The following SNTB2 variants were observed in gnomAD, a reference collection of about 807,000 sequenced individuals.
The protein encoded by SNTB2 is beta-2-syntrophin.
Under a neutral mutation model 46.2 loss-of-function variants are expected in SNTB2, and 34 were observed. That is an observed-to-expected ratio of 0.74 (90% CI 0.56 to 0.98). SNTB2 has a LOEUF of 0.98. Among genes scored for constraint, SNTB2 ranks in the 50% least tolerant of loss-of-function variants. SNTB2 has a pLI of 0.00. For synonymous variants in SNTB2, 290 were observed against 312.6 expected, an observed-to-expected ratio of 0.93 and a Z score of 0.76; for missense variants, 603 against 731.4, an observed-to-expected ratio of 0.82 and a Z score of 2.02.
Position 69,238,205 on chromosome 16 carries a change from A to AT in SNTB2, c.581-7394dup, listed in dbSNP as rs562075393. On this transcript the variant is annotated intron_variant, in intron 1 of 6. Transcript: ENST00000336278. Reference sequence around the variant, plus strand: ...AGAAGGAGGAGGGTGAGGTTGGAGCATTTATCCCCTTGGCCCCCAATTCGC... The same window carrying AT: ...AGAAGGAGGAGGGTGAGGTTGGAGCATTTTATCCCCTTGGCCCCCAATTCGC... Among the ~76,000 whole-genome samples, 47 of 152,208 alleles carry AT rather than the reference A, an allele frequency of 3.1e-4. No homozygotes were observed. In the South Asian group the frequency reaches 8.1e-3, roughly 26 times the overall value.
At chr16:69,282,335 A>T (rs2143155112) in intron 4 of SNTB2, among the ~76,000 whole-genome samples, 1 of 150,320 alleles carries the variant, frequency 6.7e-6, no homozygotes, top group Admixed American at 6.6e-5. Flanking sequence ...GGAATTACAG[A>T]CATGAGACAC....
At chr16:69,293,372 A>G (rs1036227298) in intron 5 of SNTB2, among the ~76,000 whole-genome samples, 1 of 152,218 alleles carries the variant, frequency 6.6e-6, no homozygotes, top group African/African-American at 2.4e-5. Context: ...AAAGAAGAAT[A>G]GAGAAATAGA....
intron 1 of SNTB2, among the ~76,000 whole-genome samples, chr16:69,244,866 G>T (rs1027666143): frequency 6.6e-6 from 1 of 152,168 alleles, no homozygotes; most frequent in African/African-American, 2.4e-5. Context: ...TGGCTCATTT[G>T]CCCTTGTGTC....
intron 3 of SNTB2, among the ~76,000 whole-genome samples, chr16:69,265,662 A>G (rs1166905696): frequency 2.0e-5 from 3 of 151,678 alleles, no homozygotes; most frequent in African/African-American, 7.3e-5. Flanking sequence ...CCCCGTCTCT[A>G]CTAAAAATAC....
At chr16:69,247,054 A>AT (rs1300250327) in intron 2 of SNTB2, among the ~76,000 whole-genome samples, 1 of 147,478 alleles carries the variant, frequency 6.8e-6, no homozygotes, top group African/African-American at 2.5e-5. Context: ...ATAATAAAAA[A>AT]AATATATATA....
At chr16:69,203,504 A>G (rs1277698866) in intron 1 of SNTB2, among the ~76,000 whole-genome samples, 1 of 151,376 alleles carries the variant, frequency 6.6e-6, no homozygotes, top group Non-Finnish European at 1.5e-5. Context: ...ATGCCTGGCT[A>G]ATTTTTTAAT....
chr16:69,251,468 TA>T (rs71148976), intron 2 of SNTB2, among the ~76,000 whole-genome samples: 24,542 of 106,092 alleles, frequency 0.23, 2,650 homozygotes, highest in African/African-American at 0.29. Context: ...ATGTTTAGTT[TA>T]AAAAAAAAAA....
At chr16:69,209,370 T>C (rs903474025) in intron 1 of SNTB2, among the ~76,000 whole-genome samples, 1 of 152,208 alleles carries the variant, frequency 6.6e-6, no homozygotes. Flanking sequence ...CCAATTCCAT[T>C]ATTATCTGTG....
At chr16:69,274,089 G>T (rs961005416) in intron 4 of SNTB2, among the ~76,000 whole-genome samples, 1 of 151,958 alleles carries the variant, frequency 6.6e-6, no homozygotes, top group African/African-American at 2.4e-5. Flanking sequence ...CGAGGCTGGC[G>T]GATCACGAGG....
chr16:69,222,704 A>G (rs1272965037), intron 1 of SNTB2, among the ~76,000 whole-genome samples: 1 of 152,204 alleles, frequency 6.6e-6, no homozygotes, highest in African/African-American at 2.4e-5. Context: ...CAAAAAGACT[A>G]GAAGGAAAGA....
At chr16:69,267,006 A>G (rs1964892816) in intron 3 of SNTB2, among the ~76,000 whole-genome samples, 1 of 151,018 alleles carries the variant, frequency 6.6e-6, no homozygotes, top group Non-Finnish European at 1.5e-5. Context: ...CCAGTAAAAC[A>G]TTTACTTTTA....
chr16:69,241,625 A>G (rs1317903088), intron 1 of SNTB2, among the ~76,000 whole-genome samples: 1 of 141,076 alleles, frequency 7.1e-6, no homozygotes, highest in Non-Finnish European at 1.6e-5. Context: ...CGTCTCTACT[A>G]AAAAAAAAAA....
At chr16:69,202,361 T>C (rs888974048) in intron 1 of SNTB2, among the ~76,000 whole-genome samples, 1 of 150,978 alleles carries the variant, frequency 6.6e-6, no homozygotes, top group African/African-American at 2.5e-5. Context: ...GTAGTTACTA[T>C]TCATACTAAA....
intron 1 of SNTB2, among the ~76,000 whole-genome samples, chr16:69,208,177 T>G (rs1036697099): frequency 7.1e-6 from 1 of 140,518 alleles, no homozygotes; most frequent in African/African-American, 2.7e-5. Context: ...GAGGCCGAGG[T>G]GGGCGGATCA....
At chr16:69,187,813 T>A in intron 1 of SNTB2, 67 bp downstream of exon 1, 1 of 1,240,216 alleles carries the variant, frequency 8.1e-7, no homozygotes, top group Non-Finnish European at 1.0e-6. Context: ...CTCACTTTGT[T>A]CCTGCCCCGC....
In SNTB2 at chr16:69,284,162, A is replaced by C. The variant is rs948419640; in HGVS notation, c.1263A>C (p.Thr421=). ...AGATGCATCTCTTCAGGGTGGAGACACATCGGGATCTGTCATCCTGGACCA... is the reference window on the plus strand; with the variant it reads ...AGATGCATCTCTTCAGGGTGGAGACCCATCGGGATCTGTCATCCTGGACCA... ...GIEMHLFRVE[T]HRDLSSWTRI... Residue 421 remains threonine, a synonymous_variant, in exon 5 of 7, where the codon ACA becomes ACC. Coordinates refer to ENST00000336278, the MANE Select transcript of SNTB2 (RefSeq NM_006750.4). 6.2e-7 allele frequency: 1 copy of C among 1,613,968 alleles called. No individual in the cohort carries two copies. The highest frequency in any genetic ancestry group is 1.3e-5 in the African/African-American group (1 of 74,884).
At chr16:69,206,242 C>T (rs892456836) in intron 1 of SNTB2, among the ~76,000 whole-genome samples, 4 of 152,136 alleles carry the variant, frequency 2.6e-5, no homozygotes, top group East Asian at 1.9e-4. Context: ...TCAAGTGATC[C>T]TTCTGCCTCA....
chr16:69,248,516 C>T (rs1300582014), intron 2 of SNTB2, among the ~76,000 whole-genome samples: 1 of 152,036 alleles, frequency 6.6e-6, no homozygotes, highest in Non-Finnish European at 1.5e-5. Flanking sequence ...CCTGTAATCC[C>T]AGCTACTTGG....
At chr16:69,257,446 T>C (rs1377892286) in intron 2 of SNTB2, among the ~76,000 whole-genome samples, 1 of 150,462 alleles carries the variant, frequency 6.6e-6, no homozygotes, top group Admixed American at 6.6e-5. Context: ...TATTTATTTA[T>C]TTATTTATTT....
Sources: allele counts gnomAD v4.1 joint callset (sites outside exome capture counted in the v4.1 genomes callset), GRCh38; gene constraint gnomAD v4.1.1; transcripts MANE v1.5; gene names NCBI Gene and HGNC (gene_info 2026-07-23, HGNC 2026-07-21).